NDST3: variants seen among roughly 807,000 people sequenced by gnomAD.
NDST3 encodes the protein N-deacetylase and N-sulfotransferase 3.
Under a neutral mutation model 96.1 loss-of-function variants are expected in NDST3, and 58 were observed. The ratio of observed to expected loss-of-function variants is 0.60; its 90% CI spans 0.49 to 0.75. The LOEUF (loss-of-function observed/expected upper bound fraction) is 0.75, where lower values mean the gene tolerates loss of function less well. Among genes scored for constraint, NDST3 ranks in the 30% least tolerant of loss-of-function variants. NDST3 has a pLI of 0.00. For synonymous variants in NDST3, 333 were observed against 359.7 expected (o/e 0.93, Z 0.84); for missense variants, 788 against 1,034.2 (o/e 0.76, Z 3.27).
chr4:118,075,148 G>A (rs187461831), intron 2 of NDST3, among the ~76,000 whole-genome samples: 11 of 151,998 alleles, frequency 7.2e-5, no homozygotes, highest in South Asian at 4.2e-4. Context: ...GAGAACATGC[G>A]GTGTTTGGTT....
intron 10 of NDST3, among the ~76,000 whole-genome samples, chr4:118,239,616 C>G (rs905371939): frequency 6.6e-6 from 1 of 152,146 alleles, no homozygotes; most frequent in South Asian, 2.1e-4. Flanking sequence ...CACTTAGTCC[C>G]TGAAAAATAG....
At position 118,054,471 on chromosome 4, in the gene NDST3, T is replaced by A. The variant is rs1404002127; in HGVS notation, c.561T>A (p.Asn187Lys). 1 of 1,612,888 alleles carries A rather than the reference T, an allele frequency of 6.2e-7. No homozygotes were observed. The highest frequency in any genetic ancestry group is 8.5e-7 in the Non-Finnish European group (1 of 1,179,368). ...LKGFPFSIYGNLAVKDCCINP... is the reference protein window; with the variant it reads ...LKGFPFSIYGKLAVKDCCINP... ...GTTTCCCTTTTTCCATATATGGAAA[T>A]CTTGCAGTAAAAGATTGTTGTATTA... The change falls in exon 2 of 14, where the codon AAT (asparagine) becomes AAA (lysine). Residue 187 changes from asparagine (N) to lysine (K), a missense_variant. Asn to Lys is a moderately conservative substitution (Grantham distance 94). Coordinates refer to ENST00000296499, the MANE Select transcript of NDST3 (RefSeq NM_004784.3).
Position 118,120,749 on chromosome 4 carries a change from T to C in NDST3, c.1224+5789T>C, listed in dbSNP as rs149000729. On this transcript the variant is annotated intron_variant, in intron 4 of 13. Coordinates refer to ENST00000296499, the MANE Select transcript of NDST3 (RefSeq NM_004784.3). ...ATGTATCTTGAAGCAATTCCACAGGTTTTCAAAGCCCCTCACCATCCCAGC... is the reference window on the plus strand; with the variant it reads ...ATGTATCTTGAAGCAATTCCACAGGCTTTCAAAGCCCCTCACCATCCCAGC... Among the ~76,000 whole-genome samples the C allele has an allele frequency of 6.8e-4, 103 of 152,168 alleles. 1 individual carries two copies. The highest frequency in any genetic ancestry group is 2.5e-3 in the African/African-American group (102 of 41,504).
chr4:118,253,381 T>C (rs946458123), intron 12 of NDST3, 118 bp from the exon 13 acceptor site: 1 of 581,516 alleles, frequency 1.7e-6, no homozygotes, highest in Non-Finnish European at 3.0e-6. Flanking sequence ...TATAGATTGT[T>C]ATCCAAATAA....
intron 1 of NDST3, among the ~76,000 whole-genome samples, chr4:118,047,328 T>G (rs1036956814): frequency 3.9e-4 from 59 of 152,206 alleles, no homozygotes; most frequent in Non-Finnish European, 7.1e-4. Flanking sequence ...TGGTAAGACC[T>G]CTGGCAATTT....
rs1395628347 is a variant in NDST3 at position 118,256,819 on chromosome 4, TAGAG to T, written c.*1109_*1112del. On this transcript the variant is annotated 3_prime_UTR_variant, in exon 14 of 14. Coordinates refer to ENST00000296499, the MANE Select transcript of NDST3 (RefSeq NM_004784.3). ...TTCAAAATAAAATTATGTAATGTAG[TAGAG>T]ATTTATAACAAAAAACAAATTAATA... 1 of 152,200 alleles carries T rather than the reference TAGAG, an allele frequency of 6.6e-6. No homozygotes were observed. Among genetic ancestry groups the T allele is most frequent in the Non-Finnish European group, 1.5e-5 (1 of 68,020 alleles). The allele number at this position is 152,200 out of a possible 1,614,324, so 9.4% of individuals were successfully genotyped here. A position where few individuals can be genotyped will look rare whatever the true frequency, so the allele number is the denominator to read the frequency against.
chr4:118,051,115 T>C (rs1725050074), intron 1 of NDST3, among the ~76,000 whole-genome samples: 1 of 151,992 alleles, frequency 6.6e-6, no homozygotes, highest in Admixed American at 6.6e-5. Context: ...AAGCAAGCAA[T>C]AGGTAAAGCA....
intron 2 of NDST3, among the ~76,000 whole-genome samples, chr4:118,062,187 A>T (rs937947256): frequency 6.6e-6 from 1 of 152,320 alleles, no homozygotes; most frequent in South Asian, 2.1e-4. Context: ...ACTTCCTTCA[A>T]TGAGAATCTA....
chr4:118,062,027 A>G (rs1725936110), intron 2 of NDST3, among the ~76,000 whole-genome samples: 1 of 152,178 alleles, frequency 6.6e-6, no homozygotes, highest in African/African-American at 2.4e-5. Context: ...TTTGAACACA[A>G]CTGACTGGCC....
intron 8 of NDST3, among the ~76,000 whole-genome samples, chr4:118,227,773 G>A (rs906113060): frequency 2.6e-5 from 4 of 151,896 alleles, no homozygotes; most frequent in Non-Finnish European, 5.9e-5. Flanking sequence ...CACCATGCCC[G>A]GCTAATTTTT....
intron 4 of NDST3, 100 bp from the exon 5 acceptor site, chr4:118,137,954 A>C: frequency 5.1e-6 from 5 of 983,960 alleles, no homozygotes; most frequent in Non-Finnish European, 7.3e-6. Context: ...GTAATGATGC[A>C]TTTAAATATA....
At chr4:118,243,346 G>C (rs1000271279) in intron 12 of NDST3, among the ~76,000 whole-genome samples, 5 of 152,140 alleles carry the variant, frequency 3.3e-5, no homozygotes, top group South Asian at 2.1e-4. Context: ...ATAGAGACAC[G>C]TAAGGGAGGC....
At chr4:118,050,889 C>T (rs571878071) in intron 1 of NDST3, among the ~76,000 whole-genome samples, 15 of 151,924 alleles carry the variant, frequency 9.9e-5, no homozygotes, top group African/African-American at 3.6e-4. Flanking sequence ...TTCACATGAA[C>T]CAAAAAAGAG....
intron 12 of NDST3, among the ~76,000 whole-genome samples, chr4:118,246,795 C>T (rs1042470306): frequency 1.3e-5 from 2 of 152,094 alleles, no homozygotes; most frequent in Non-Finnish European, 2.9e-5. Flanking sequence ...TGAGAACTTA[C>T]TATCACAAGA....
intron 6 of NDST3, among the ~76,000 whole-genome samples, chr4:118,214,822 T>C (rs913454837): frequency 6.6e-6 from 1 of 152,140 alleles, no homozygotes; most frequent in Non-Finnish European, 1.5e-5. Context: ...GTTTTTTGGC[T>C]TGATAACCAT....
chr4:118,110,164 T>C lies in NDST3; in HGVS notation c.1070-4642T>C, dbSNP rs1578655966. On this transcript the variant is annotated intron_variant, in intron 3 of 13. Transcript: ENST00000296499. Reference sequence around the variant, plus strand: ...AAAAGATTCTCCTTATTTATAGATTTGTTAGCTTTTTATGTTTCCCCAAAT... The same window carrying C: ...AAAAGATTCTCCTTATTTATAGATTCGTTAGCTTTTTATGTTTCCCCAAAT... 4.6e-5 allele frequency among the ~76,000 whole-genome samples: 7 copies of C among 152,330 alleles called. 2 individuals carry two copies. Among genetic ancestry groups the C allele is most frequent in the Admixed American group, 4.6e-4 (7 of 15,300 alleles).
chr4:118,135,644 T>G (rs1178899227), intron 4 of NDST3, among the ~76,000 whole-genome samples: 2 of 152,160 alleles, frequency 1.3e-5, no homozygotes, highest in Non-Finnish European at 2.9e-5. Flanking sequence ...AATGAGAGCA[T>G]GAACAGCCAG....
At chr4:118,171,735 C>T (rs1004565360) in intron 6 of NDST3, among the ~76,000 whole-genome samples, 10 of 152,134 alleles carry the variant, frequency 6.6e-5, no homozygotes, top group Non-Finnish European at 1.5e-4. Flanking sequence ...ATACCGCTTT[C>T]CAGGGAGGTA....
At chr4:118,172,307 T>TA (rs1394511504) in intron 6 of NDST3, among the ~76,000 whole-genome samples, 3 of 152,206 alleles carry the variant, frequency 2.0e-5, no homozygotes, top group Non-Finnish European at 4.4e-5. Context: ...TGGTATCCTT[T>TA]AATGTTATGA....
Sources: allele counts gnomAD v4.1 joint callset (sites outside exome capture counted in the v4.1 genomes callset), GRCh38; gene constraint gnomAD v4.1.1; transcripts MANE v1.5; gene names NCBI Gene and HGNC (gene_info 2026-07-23, HGNC 2026-07-21).